Variants in TRAM1 observed in about 807,000 individuals in gnomAD.
TRAM1 encodes translocation associated membrane protein 1.
A neutral mutation model predicts 48.7 loss-of-function variants in TRAM1; 17 were observed. The ratio of observed to expected loss-of-function variants is 0.35; its 90% CI spans 0.24 to 0.52. The LOEUF (loss-of-function observed/expected upper bound fraction) is 0.52, where lower values mean the gene tolerates loss of function less well. TRAM1 is among the 20% of genes least tolerant of loss of function. The pLI, the probability that TRAM1 is intolerant of heterozygous loss-of-function variation, is 0.94. For missense variants in TRAM1, 351 were observed against 441.5 expected (o/e 0.79, Z 1.84); for synonymous variants, 182 against 154.0 (o/e 1.18, Z -1.34).
chr8:70,596,226 G>A lies in TRAM1; in HGVS notation c.485+37C>T, dbSNP rs754229882. 4.6e-6 allele frequency: 7 copies of A among 1,513,068 alleles called. No individual in the cohort carries two copies. In the South Asian group the frequency reaches 8.9e-5, roughly 19 times the overall value. 93.7% of individuals were successfully genotyped at this position (1,513,068 alleles called of 1,614,324 possible). ...TCTGATTAATAGTGACATGACCATG[G>A]TCCTTAACAAAGAAAGGGCTGCTAA... is the stretch of plus-strand genomic sequence containing the variant. On this transcript the variant is annotated intron_variant, in intron 5 of 10. Transcript: ENST00000262213.
At chr8:70,600,171 T>A in intron 1 of TRAM1, 89 bp from the exon 2 acceptor site, 1 of 1,055,838 alleles carries the variant, frequency 9.5e-7, no homozygotes, top group Non-Finnish European at 1.4e-6. Context: ...AATCTGTCCC[T>A]AAATCGAAGC....
At chr8:70,575,162 C>G (rs1208767204) in intron 10 of TRAM1, among the ~76,000 whole-genome samples, 157 bp from the exon 11 acceptor site, 1 of 152,078 alleles carries the variant, frequency 6.6e-6, no homozygotes, top group Non-Finnish European at 1.5e-5. Context: ...AACCTGGTAA[C>G]ATTTTTAACA....
chr8:70,576,949 C>G (rs1816967962), intron 10 of TRAM1, among the ~76,000 whole-genome samples: 1 of 152,220 alleles, frequency 6.6e-6, no homozygotes, highest in African/African-American at 2.4e-5. Flanking sequence ...GAAGGTGAGA[C>G]TGACCCTGGG....
chr8:70,590,167 G>A (rs1250079163), intron 6 of TRAM1, among the ~76,000 whole-genome samples: 1 of 148,666 alleles, frequency 6.7e-6, no homozygotes, highest in African/African-American at 2.5e-5. Flanking sequence ...CTAATTTGCT[G>A]GAAAAACTAT....
chr8:70,607,561 T>G (rs1264457012), intron 1 of TRAM1: 30 of 899,444 alleles, frequency 3.3e-5, no homozygotes, highest in Non-Finnish European at 4.0e-5. Context: ...CCCCTGTCAC[T>G]CGGGGCCTGT....
In TRAM1 at chr8:70,597,937, G is replaced by T; in HGVS notation, c.384C>A (p.Phe128Leu). ...TGCCCCAAACACAGGCAAAAAGGTAGAACGCACTAAGCTGACCAGATTCAT... is the reference window on the plus strand; with the variant it reads ...TGCCCCAAACACAGGCAAAAAGGTATAACGCACTAAGCTGACCAGATTCAT... ...KFNESGQLSA[F>L]YLFACVWGTF... Residue 128 changes from phenylalanine to leucine, a missense_variant, in exon 4 of 11, where the codon TTC (phenylalanine) becomes TTA (leucine). By Grantham distance (22) the Phe-to-Leu change is conservative. Coordinates refer to ENST00000262213, the MANE Select transcript of TRAM1 (RefSeq NM_014294.6). 1.2e-6 allele frequency: 2 copies of T among 1,602,326 alleles called. No individual in the cohort carries two copies. The highest frequency in any genetic ancestry group is 1.7e-6 in the Non-Finnish European group (2 of 1,173,024).
At chr8:70,578,840 C>G (rs1333965966) in intron 10 of TRAM1, among the ~76,000 whole-genome samples, 1 of 152,124 alleles carries the variant, frequency 6.6e-6, no homozygotes, top group African/African-American at 2.4e-5. Flanking sequence ...ATGCAAAAAT[C>G]CTAATGAAAT....
At chr8:70,602,052 A>C (rs1392604000) in intron 1 of TRAM1, among the ~76,000 whole-genome samples, 2 of 152,236 alleles carry the variant, frequency 1.3e-5, no homozygotes, top group African/African-American at 4.8e-5. Context: ...AACTAAGAAA[A>C]AATGGTTAGA....
chr8:70,583,051 C>T (rs1161827019), intron 10 of TRAM1, 113 bp downstream of exon 10: 6 of 1,199,706 alleles, frequency 5.0e-6, no homozygotes, highest in Admixed American at 6.0e-5. Flanking sequence ...TGTTGAAAAG[C>T]AGAATAGTAT....
At chr8:70,583,412 A>C in intron 9 of TRAM1, 88 bp from the exon 10 acceptor site, 2 of 1,419,408 alleles carry the variant, frequency 1.4e-6, no homozygotes, top group East Asian at 5.0e-5. Flanking sequence ...TTTAGTAATA[A>C]TTCCCACTCA....
chr8:70,607,819 G>C (rs1404331038), intron 1 of TRAM1: 6 of 307,120 alleles, frequency 2.0e-5, no homozygotes, highest in Non-Finnish European at 2.3e-5. Flanking sequence ...GGTCAGGAAG[G>C]GGGCGACGCG....
At position 70,608,408 on chromosome 8, in the gene TRAM1, G is replaced by A. The variant is rs1221809026; in HGVS notation, c.-209C>T. ...AACACAACAGCTAGCCCGCAGCGGGGGCGAGCATGCGCACCAGGGAGACGA... is the reference window on the plus strand; with the variant it reads ...AACACAACAGCTAGCCCGCAGCGGGAGCGAGCATGCGCACCAGGGAGACGA... On this transcript the variant is annotated 5_prime_UTR_variant, in exon 1 of 11. Transcript: ENST00000262213. The A allele has an allele frequency of 2.2e-6, 1 of 449,144 alleles. No homozygotes were observed. Among genetic ancestry groups the A allele is most frequent in the Non-Finnish European group, 3.7e-6 (1 of 270,276 alleles). 27.8% of individuals were successfully genotyped at this position (449,144 alleles called of 1,614,324 possible). A position where few individuals can be genotyped will look rare whatever the true frequency, so the allele number is the denominator to read the frequency against.
intron 10 of TRAM1, among the ~76,000 whole-genome samples, chr8:70,581,985 G>GC (rs1353116044): frequency 1.3e-5 from 2 of 152,178 alleles, no homozygotes; most frequent in African/African-American, 4.8e-5. Context: ...ATGCTAAGGG[G>GC]CATGGGGTTT....
chr8:70,603,946 A>T (rs1817664309), intron 1 of TRAM1, among the ~76,000 whole-genome samples: 1 of 152,330 alleles, frequency 6.6e-6, no homozygotes, highest in Non-Finnish European at 1.5e-5. Flanking sequence ...GCTCCTAGCC[A>T]TTTCCAGGCC....
chr8:70,594,691 TG>T, intron 5 of TRAM1, 101 bp from the exon 6 acceptor site: 1 of 856,176 alleles, frequency 1.2e-6, no homozygotes, highest in Non-Finnish European at 1.7e-6. Context: ...TAACTACCTT[TG>T]TGTCATCATT....
Position 70,600,225 on chromosome 8 carries a change from G to A in TRAM1, c.124-143C>T, listed in dbSNP as rs543673661. On this transcript the variant is annotated intron_variant, in intron 1 of 10. Transcript: ENST00000262213. The stretch of plus-strand genomic sequence containing the variant: ...CCTGTGGAATCCTGACAGACACAAT[G>A]GAAATTACTGATTGCCAAGGAGCTA... The A allele has an allele frequency of 3.7e-5, 23 of 623,416 alleles. No individual in the cohort carries two copies. In the East Asian group the frequency reaches 6.4e-4, roughly 17 times the overall value. The allele number at this position is 623,416 out of a possible 1,614,324, so 38.6% of individuals were successfully genotyped here. A position where few individuals can be genotyped will look rare whatever the true frequency, so the allele number is the denominator to read the frequency against.
chr8:70,596,834 AAAG>A (rs1172114582), intron 4 of TRAM1, among the ~76,000 whole-genome samples: 7 of 151,650 alleles, frequency 4.6e-5, no homozygotes, highest in African/African-American at 1.7e-4. Context: ...AAAAAAAAAA[AAAG>A]ATTAAAAAAT....
rs775631097 is a variant in TRAM1 at position 70,596,313 on chromosome 8, G to A, written c.435C>T (p.Tyr145=). 1 of 1,596,984 alleles carries A rather than the reference G, an allele frequency of 6.3e-7. No individual in the cohort carries two copies. Among genetic ancestry groups the A allele is most frequent in the Non-Finnish European group, 8.5e-7 (1 of 1,173,364 alleles). The change falls in exon 5 of 11, where the codon TAC becomes TAT. Residue 145 remains tyrosine, a synonymous_variant. Coordinates refer to ENST00000262213, the MANE Select transcript of TRAM1 (RefSeq NM_014294.6). ...WGTFILISEN[Y]ISDPTILWRA... is the part of the protein sequence containing the mutation. ...TCCATAAGATAGTTGGGTCTGAGAT[G>A]TAGTTTTCCTAAGAAAGAAGATATA... is the stretch of plus-strand genomic sequence containing the variant.
chr8:70,581,475 A>G (rs908254336), intron 10 of TRAM1, among the ~76,000 whole-genome samples: 1 of 152,238 alleles, frequency 6.6e-6, no homozygotes, highest in Non-Finnish European at 1.5e-5. Context: ...TCTTTTTAAC[A>G]AATGGCACAG....
Sources: allele counts gnomAD v4.1 joint callset (sites outside exome capture counted in the v4.1 genomes callset), GRCh38; gene constraint gnomAD v4.1.1; transcripts MANE v1.5; gene names NCBI Gene and HGNC (gene_info 2026-07-23, HGNC 2026-07-21).